The following PAPPA2 variants were observed in gnomAD, a reference collection of about 807,000 sequenced individuals.
PAPPA2 encodes the protein pappalysin-2.
PAPPA2 carries 86 observed loss-of-function variants against 176.4 expected under a neutral mutation model. The ratio of observed to expected loss-of-function variants is 0.49; its 90% CI spans 0.41 to 0.58. The LOEUF is 0.58. Ranked by LOEUF, PAPPA2 falls within the 20% of genes least tolerant of loss-of-function variation. The pLI is 0.00. For synonymous variants in PAPPA2, 809 were observed against 852.2 expected (o/e 0.95, Z 0.88); for missense variants, 2,073 against 2,256.9 (o/e 0.92, Z 1.65).
chr1:176,495,798 A>AT (rs112623029), intron 1 of PAPPA2, among the ~76,000 whole-genome samples: 31,231 of 146,652 alleles, frequency 0.21, 3,648 homozygotes, highest in Middle Eastern at 0.35. Context: ...TTTGGTGTGA[A>AT]TTTTTTTTTT....
At chr1:176,715,412 C>G (rs148341380) in intron 12 of PAPPA2, among the ~76,000 whole-genome samples, 8 of 152,134 alleles carry the variant, frequency 5.3e-5, no homozygotes, top group Non-Finnish European at 1.2e-4. Flanking sequence ...TTTGACCACC[C>G]CCACTGGAGC....
chr1:176,782,057 G>C (rs548331176), intron 17 of PAPPA2, among the ~76,000 whole-genome samples: 7 of 152,196 alleles, frequency 4.6e-5, no homozygotes, highest in Non-Finnish European at 8.8e-5. Flanking sequence ...AATGCACTAA[G>C]TGAAGAGAGG....
At chr1:176,528,864 C>T (rs949155439) in intron 1 of PAPPA2, among the ~76,000 whole-genome samples, 2 of 152,170 alleles carry the variant, frequency 1.3e-5, no homozygotes, top group Non-Finnish European at 2.9e-5. Flanking sequence ...GCCCTTTCCT[C>T]CAACCTACCT....
At chr1:176,801,361 A>G (rs1286688500) in intron 21 of PAPPA2, among the ~76,000 whole-genome samples, 2 of 152,046 alleles carry the variant, frequency 1.3e-5, no homozygotes, top group Non-Finnish European at 2.9e-5. Flanking sequence ...ATTCTTCTGT[A>G]TCTCTGTGTT....
At chr1:176,647,985 T>C (rs1657509198) in intron 3 of PAPPA2, among the ~76,000 whole-genome samples, 3 of 151,634 alleles carry the variant, frequency 2.0e-5, no homozygotes, top group South Asian at 4.1e-4. Context: ...AGGAATGTCA[T>C]TGGTATTTTG....
chr1:176,695,025 G>C (rs1660305507), intron 6 of PAPPA2, among the ~76,000 whole-genome samples: 1 of 152,198 alleles, frequency 6.6e-6, no homozygotes, highest in Admixed American at 6.5e-5. Context: ...TGATGGGTAA[G>C]TAGGAGTTTG....
At chr1:176,751,315 G>A (rs1663165024) in intron 14 of PAPPA2, among the ~76,000 whole-genome samples, 1 of 151,184 alleles carries the variant, frequency 6.6e-6, no homozygotes, top group African/African-American at 2.4e-5. Context: ...CAAAAGCAAT[G>A]GCAACAAAAG....
At chr1:176,775,930 G>C (rs1664441218) in intron 17 of PAPPA2, among the ~76,000 whole-genome samples, 1 of 152,134 alleles carries the variant, frequency 6.6e-6, no homozygotes, top group Non-Finnish European at 1.5e-5. Flanking sequence ...GAAGGTAATA[G>C]AGAAAATGTA....
At chr1:176,693,527 A>G (rs1660219050) in intron 6 of PAPPA2, among the ~76,000 whole-genome samples, 2 of 152,228 alleles carry the variant, frequency 1.3e-5, no homozygotes, top group Admixed American at 1.3e-4. Context: ...CGCTGGAGCA[A>G]GTTTCCGTGC....
chr1:176,545,049 C>T (rs953961977), intron 1 of PAPPA2, among the ~76,000 whole-genome samples: 6 of 152,148 alleles, frequency 3.9e-5, no homozygotes, highest in Non-Finnish European at 5.9e-5. Flanking sequence ...TTTTATCTAG[C>T]CGTGATTGAT....
chr1:176,500,807 T>C (rs1647914983), intron 1 of PAPPA2, among the ~76,000 whole-genome samples: 1 of 151,226 alleles, frequency 6.6e-6, no homozygotes, highest in Admixed American at 6.6e-5. Context: ...ATCTAAACCA[T>C]GGTTACTGTT....
intron 14 of PAPPA2, among the ~76,000 whole-genome samples, chr1:176,743,520 A>G (rs570202726): frequency 2.6e-5 from 4 of 152,308 alleles, no homozygotes; most frequent in Admixed American, 2.6e-4. Flanking sequence ...CTTTAGGGAT[A>G]GGTTCTGCAC....
intron 17 of PAPPA2, among the ~76,000 whole-genome samples, chr1:176,781,149 G>A (rs1419061122): frequency 1.3e-5 from 2 of 152,098 alleles, no homozygotes; most frequent in Non-Finnish European, 2.9e-5. Context: ...GGAAAATGGA[G>A]AAGGGGCCCC....
rs1649851557 is a variant in PAPPA2, at chr1:176,532,190, C to A, written c.-916-23217C>A. On this transcript the variant is annotated intron_variant, in intron 1 of 22. Coordinates refer to ENST00000367662, the MANE Select transcript of PAPPA2 (RefSeq NM_020318.3). Reference sequence around the variant, plus strand: ...CGGTACCTTAGGCATAAATTGCTGACCTCTATTTAATTTTCTGAACTGCAA... The same window carrying A: ...CGGTACCTTAGGCATAAATTGCTGAACTCTATTTAATTTTCTGAACTGCAA... 2.0e-5 allele frequency among the ~76,000 whole-genome samples: 3 copies of A among 152,304 alleles called. 1 individual carries two copies. The South Asian group carries it at 6.2e-4, about 32-fold the overall frequency.
At chr1:176,804,464 A>G (rs1665810285) in intron 21 of PAPPA2, among the ~76,000 whole-genome samples, 1 of 152,170 alleles carries the variant, frequency 6.6e-6, no homozygotes, top group African/African-American at 2.4e-5. Flanking sequence ...GCCCACAACA[A>G]AGAATTATCC....
chr1:176,810,515 G>A (rs545582879), intron 21 of PAPPA2, among the ~76,000 whole-genome samples: 7 of 152,092 alleles, frequency 4.6e-5, no homozygotes, highest in African/African-American at 9.7e-5. Context: ...CACAGGGTTC[G>A]TGCTCCTATG....
At chr1:176,800,905 ATAG>A (rs2102949717) in intron 21 of PAPPA2, among the ~76,000 whole-genome samples, 1 of 152,308 alleles carries the variant, frequency 6.6e-6, no homozygotes, top group South Asian at 2.1e-4. Flanking sequence ...ACTTCTTCAC[ATAG>A]TAGATTCCCC....
At chr1:176,794,590 C>CT (rs1557876132) in intron 20 of PAPPA2, among the ~76,000 whole-genome samples, 1 of 152,030 alleles carries the variant, frequency 6.6e-6, no homozygotes, top group African/African-American at 2.4e-5. Flanking sequence ...GGTCATTTGT[C>CT]TTTTTTTGTC....
chr1:176,686,204 ATT>A (rs1659830959), intron 4 of PAPPA2, among the ~76,000 whole-genome samples: 1 of 152,108 alleles, frequency 6.6e-6, no homozygotes, highest in Non-Finnish European at 1.5e-5. Context: ...AGGCTGGGTA[ATT>A]TATTAAGGGA....
Sources: allele counts gnomAD v4.1 joint callset (sites outside exome capture counted in the v4.1 genomes callset), GRCh38; gene constraint gnomAD v4.1.1; transcripts MANE v1.5; gene names NCBI Gene and HGNC (gene_info 2026-07-23, HGNC 2026-07-21).